ROBO1: variants seen among roughly 807,000 people sequenced by gnomAD.
The protein encoded by ROBO1 is roundabout homolog 1.
Under a neutral mutation model 195.9 loss-of-function variants are expected in ROBO1, and 149 were observed. The observed-to-expected ratio is 0.76, with a 90% CI of 0.67 to 0.87. ROBO1 has a LOEUF of 0.87. ROBO1 is among the 40% of genes least tolerant of loss of function. The probability of loss-of-function intolerance (pLI) is 0.00; values close to 1 mark genes in which losing one functional copy is unlikely to be tolerated. For missense variants in ROBO1, 1,933 were observed against 2,068.3 expected (o/e 0.93, Z 1.27); for synonymous variants, 816 against 733.2 (o/e 1.11, Z -1.82).
chr3:79,194,797 G>GA (rs961500898), intron 2 of ROBO1, among the ~76,000 whole-genome samples: 2 of 151,500 alleles, frequency 1.3e-5, no homozygotes, highest in Non-Finnish European at 3.0e-5. Context: ...AAGTAAATGA[G>GA]AAAAAATACC....
intron 1 of ROBO1, among the ~76,000 whole-genome samples, chr3:79,666,320 G>T (rs1327251127): frequency 6.6e-6 from 1 of 151,786 alleles, no homozygotes; most frequent in African/African-American, 2.4e-5. Flanking sequence ...ATTCCACTGT[G>T]GTATAACTTG....
intron 2 of ROBO1, among the ~76,000 whole-genome samples, chr3:79,499,035 C>T (rs1939909134): frequency 6.6e-6 from 1 of 152,048 alleles, no homozygotes; most frequent in African/African-American, 2.4e-5. Flanking sequence ...GCTTTTGTCG[C>T]CCAGGCTGGA....
intron 1 of ROBO1, among the ~76,000 whole-genome samples, chr3:79,606,753 T>G (rs1944499310): frequency 7.3e-6 from 1 of 136,280 alleles, no homozygotes; most frequent in African/African-American, 2.9e-5. Context: ...AGACCACCTG[T>G]GTTTATTCAT....
At chr3:79,097,430 T>C (rs1344564341) in intron 3 of ROBO1, among the ~76,000 whole-genome samples, 1 of 151,824 alleles carries the variant, frequency 6.6e-6, no homozygotes, top group Non-Finnish European at 1.5e-5. Flanking sequence ...TTTCAAGTAA[T>C]ATAATTCATG....
intron 2 of ROBO1, among the ~76,000 whole-genome samples, chr3:79,231,766 T>A (rs1465314960): frequency 6.6e-6 from 1 of 152,150 alleles, no homozygotes; most frequent in Non-Finnish European, 1.5e-5. Context: ...TGCCCAGGTA[T>A]GTTCCTTGCA....
chr3:79,746,698 T>G (rs931865792), intron 1 of ROBO1, among the ~76,000 whole-genome samples: 1 of 152,050 alleles, frequency 6.6e-6, no homozygotes, highest in South Asian at 2.1e-4. Flanking sequence ...GTCCTAATAT[T>G]TTACTTCATT....
At chr3:78,669,999 C>A in intron 11 of ROBO1, 97 bp downstream of exon 11, 1 of 847,624 alleles carries the variant, frequency 1.2e-6, no homozygotes, top group Non-Finnish European at 1.8e-6. Context: ...TCATTTAACA[C>A]TTCATTAATT....
chr3:79,677,305 T>C (rs1181653165), intron 1 of ROBO1, among the ~76,000 whole-genome samples: 2 of 152,060 alleles, frequency 1.3e-5, no homozygotes, highest in Non-Finnish European at 2.9e-5. Context: ...TCTGTTTTCA[T>C]GCTGCTGATA....
intron 2 of ROBO1, among the ~76,000 whole-genome samples, chr3:79,194,781 C>A (rs1017071240): frequency 6.6e-6 from 1 of 151,478 alleles, no homozygotes; most frequent in African/African-American, 2.4e-5. Flanking sequence ...GGACTGGTTG[C>A]CATTCAAGTA....
intron 2 of ROBO1, among the ~76,000 whole-genome samples, chr3:79,476,042 A>G (rs937609328): frequency 6.6e-6 from 1 of 152,248 alleles, no homozygotes; most frequent in African/African-American, 2.4e-5. Flanking sequence ...ACTGAAACAA[A>G]TAAGCAAGAA....
intron 3 of ROBO1, among the ~76,000 whole-genome samples, chr3:79,000,490 A>C (rs1460355637): frequency 2.0e-5 from 3 of 152,226 alleles, no homozygotes; most frequent in Non-Finnish European, 4.4e-5. Flanking sequence ...TTTCAAAAGA[A>C]GATATTTATG....
At chr3:79,617,984 G>A (rs1168472009) in intron 1 of ROBO1, among the ~76,000 whole-genome samples, 1 of 150,712 alleles carries the variant, frequency 6.6e-6, no homozygotes, top group African/African-American at 2.4e-5. Context: ...AAATGTAGTT[G>A]AAAGCTTAAA....
intron 2 of ROBO1, among the ~76,000 whole-genome samples, chr3:79,435,861 A>G (rs75353450): frequency 2.6e-5 from 4 of 152,180 alleles, no homozygotes; most frequent in Non-Finnish European, 5.9e-5. Flanking sequence ...TCTCTAAAAT[A>G]AACTTTTTCT....
At chr3:78,618,708 T>G (rs1478907986) in intron 26 of ROBO1, among the ~76,000 whole-genome samples, 7 of 152,244 alleles carry the variant, frequency 4.6e-5, no homozygotes, top group African/African-American at 1.7e-4. Context: ...TTGCATTTAT[T>G]GTTATTCTAT....
chr3:79,046,817 C>G (rs2078603232), intron 3 of ROBO1, among the ~76,000 whole-genome samples: 1 of 152,062 alleles, frequency 6.6e-6, no homozygotes, highest in Non-Finnish European at 1.5e-5. Context: ...ACAGACACAC[C>G]CAGGATTAAT....
chr3:79,676,998 A>C (rs561667320), intron 1 of ROBO1, among the ~76,000 whole-genome samples: 2 of 152,160 alleles, frequency 1.3e-5, no homozygotes, highest in South Asian at 4.2e-4. Flanking sequence ...TTTTTCAAAT[A>C]AGAAAGATGT....
In ROBO1 at chr3:79,089,104, T is replaced by C. The variant is rs531690223; in HGVS notation, c.172+36352A>G. On this transcript the variant is annotated intron_variant, in intron 3 of 30. Transcript: ENST00000464233. Reference sequence around the variant, plus strand: ...AAAGGCAAAATGTATTAATTCCCAGTTAACAAAAGAAAATACATCTCATAA... The same window carrying C: ...AAAGGCAAAATGTATTAATTCCCAGCTAACAAAAGAAAATACATCTCATAA... 5.6e-4 allele frequency among the ~76,000 whole-genome samples: 86 copies of C among 152,242 alleles called. 1 individual carries two copies. The highest frequency in any genetic ancestry group is 1.9e-3 in the African/African-American group (80 of 41,570).
At position 79,673,661 on chromosome 3, in the gene ROBO1, A is replaced by G. The variant is rs546211285; in HGVS notation, c.-50-83700T>C. 5.3e-5 allele frequency among the ~76,000 whole-genome samples: 8 copies of G among 152,028 alleles called. 1 individual carries two copies. Among genetic ancestry groups the G allele is most frequent in the African/African-American group, 1.9e-4 (8 of 41,506 alleles). ...TATTGGGTAAAAAATTTGGTTCTTT[A>G]TTTTTGAATAGCAAGAATAACTTTA... On this transcript the variant is annotated intron_variant, in intron 1 of 30. Coordinates refer to ENST00000464233, the MANE Select transcript of ROBO1 (RefSeq NM_002941.4).
intron 1 of ROBO1, among the ~76,000 whole-genome samples, chr3:79,617,083 G>A (rs1324495846): frequency 6.6e-6 from 1 of 152,078 alleles, no homozygotes; most frequent in Non-Finnish European, 1.5e-5. Flanking sequence ...GGGTATGATA[G>A]GGAAATGAAT....
Sources: gnomAD v4.1 joint callset for allele counts (sites outside exome capture counted in the v4.1 genomes callset) on GRCh38, gnomAD v4.1.1 for gene constraint, MANE v1.5 for transcripts, NCBI Gene and HGNC (gene_info 2026-07-23, HGNC 2026-07-21) for gene names.